CRB1: variants seen among roughly 807,000 people sequenced by gnomAD.
The protein encoded by CRB1 is crumbs cell polarity complex component 1.
Under a neutral mutation model 120.0 loss-of-function variants are expected in CRB1, and 83 were observed. The observed-to-expected ratio is 0.69, with a 90% CI of 0.58 to 0.83. CRB1 has a LOEUF of 0.83. Ranked by LOEUF, CRB1 falls within the 40% of genes least tolerant of loss-of-function variation. The pLI is 0.00. For synonymous variants in CRB1, 625 were observed against 612.5 expected, an observed-to-expected ratio of 1.02 and a Z score of -0.30; for missense variants, 1,699 against 1,687.6, an observed-to-expected ratio of 1.01 and a Z score of -0.12.
chr1:197,356,625 G>T (rs535093096), intron 4 of CRB1, among the ~76,000 whole-genome samples: 4 of 152,058 alleles, frequency 2.6e-5, no homozygotes, highest in African/African-American at 9.6e-5. Flanking sequence ...AAAATTTTTT[G>T]GTCAAAATTA....
chr1:197,466,760 G>T (rs530347796), intron 11 of CRB1, among the ~76,000 whole-genome samples: 2 of 152,166 alleles, frequency 1.3e-5, no homozygotes, highest in Admixed American at 6.5e-5. Flanking sequence ...TTTTTTCTGC[G>T]TAATGTGAGA....
intron 11 of CRB1, among the ~76,000 whole-genome samples, chr1:197,468,156 ACTT>A (rs1666830357): frequency 6.6e-6 from 1 of 152,010 alleles, no homozygotes. Flanking sequence ...CCTAAAACAT[ACTT>A]CTTTACCTCA....
chr1:197,316,910 C>CAAAAAAAA (rs201313713), intron 1 of CRB1, among the ~76,000 whole-genome samples: 1 of 136,100 alleles, frequency 7.3e-6, no homozygotes. Context: ...ACAATGGCTA[C>CAAAAAAAA]AAAAAAAAAA....
At chr1:197,470,920 G>T (rs78693615) in intron 11 of CRB1, among the ~76,000 whole-genome samples, 2 of 152,176 alleles carry the variant, frequency 1.3e-5, no homozygotes, top group Admixed American at 1.3e-4. Context: ...TTTCCCTAAA[G>T]GTCTACAAGA....
At chr1:197,440,824 G>A (rs1407638476) in intron 10 of CRB1, 2 of 152,242 alleles carry the variant, frequency 1.3e-5, no homozygotes, top group Non-Finnish European at 2.9e-5. Flanking sequence ...ATGATGGATG[G>A]TGTGAACACT....
Position 197,394,330 on chromosome 1 carries a change from T to C in CRB1, c.1172-26670T>C, listed in dbSNP as rs981454600. 9.9e-5 allele frequency among the ~76,000 whole-genome samples: 15 copies of C among 152,252 alleles called. No homozygotes were observed. In the East Asian group the frequency reaches 1.5e-3, roughly 16 times the overall value. ...TTTATTTTGATAATATAGTGTATAA[T>C]ACATATAACATGCAAAATATGTGTT... is the stretch of plus-strand genomic sequence containing the variant. On this transcript the variant is annotated intron_variant, in intron 5 of 11. Transcript: ENST00000367400.
chr1:197,314,258 G>A (rs535961868), intron 1 of CRB1, among the ~76,000 whole-genome samples: 19 of 151,904 alleles, frequency 1.3e-4, no homozygotes, highest in African/African-American at 2.4e-4. Context: ...TCTGTTAATC[G>A]TCTTCAGATA....
chr1:197,474,383 G>C (rs551768901), intron 11 of CRB1, among the ~76,000 whole-genome samples: 12 of 152,320 alleles, frequency 7.9e-5, no homozygotes, highest in African/African-American at 2.6e-4. Context: ...TACACAGCCA[G>C]GACTGGCAGA....
chr1:197,377,929 C>A (rs945716675), intron 5 of CRB1, among the ~76,000 whole-genome samples: 4 of 152,152 alleles, frequency 2.6e-5, no homozygotes, highest in African/African-American at 9.7e-5. Flanking sequence ...CTAGCTCTAG[C>A]CTGCTGTATC....
intron 6 of CRB1, among the ~76,000 whole-genome samples, chr1:197,422,572 A>G (rs1253237171): frequency 6.6e-6 from 1 of 152,188 alleles, no homozygotes; most frequent in East Asian, 1.9e-4. Context: ...AAAAATGTGG[A>G]AAGTAACAAT....
the CRB1 span, among the ~76,000 whole-genome samples, chr1:197,235,885 T>A: frequency 6.6e-5 from 10 of 152,324 alleles, no homozygotes; most frequent in South Asian, 4.1e-4. Flanking sequence ...AAATATTTTA[T>A]CATCTACCAT....
the CRB1 span, among the ~76,000 whole-genome samples, chr1:197,207,792 G>A: frequency 2.6e-3 from 393 of 151,822 alleles, 1 homozygote; most frequent in African/African-American, 6.8e-3. Context: ...ATTTTTTTTC[G>A]ATTAGTCCCT....
At chr1:197,325,807 A>T (rs187726706) in intron 1 of CRB1, among the ~76,000 whole-genome samples, 1 of 152,214 alleles carries the variant, frequency 6.6e-6, no homozygotes, top group African/African-American at 2.4e-5. Flanking sequence ...AGGAGTGTTT[A>T]TCTAGCTAAA....
intron 2 of CRB1, among the ~76,000 whole-genome samples, chr1:197,339,294 T>C (rs903031841): frequency 2.0e-5 from 3 of 152,186 alleles, no homozygotes; most frequent in Admixed American, 1.3e-4. Context: ...CTATAATATC[T>C]AGGAGGAGAA....
intron 5 of CRB1, among the ~76,000 whole-genome samples, chr1:197,372,678 C>G (rs758774656): frequency 2.6e-5 from 4 of 151,216 alleles, no homozygotes; most frequent in Non-Finnish European, 5.9e-5. Context: ...AGGTTTGAGA[C>G]CAGGTTAGGC....
intron 10 of CRB1, chr1:197,440,937 C>CA: frequency 6.6e-6 from 1 of 152,014 alleles, no homozygotes; most frequent in Non-Finnish European, 1.5e-5. Context: ...AAGCATAAGC[C>CA]AAAAAAGGAA....
At chr1:197,298,971 CAA>C (rs1347531563) in intron 1 of CRB1, among the ~76,000 whole-genome samples, 7 of 151,610 alleles carry the variant, frequency 4.6e-5, no homozygotes, top group African/African-American at 1.5e-4. Context: ...TTATTTAAGA[CAA>C]AAGTGGTAAT....
rs1664995152 is a variant in CRB1 at position 197,433,855 on chromosome 1, A to G, written c.2843-851A>G. Reference sequence around the variant, plus strand: ...GACAATACGTCTATTATAGCAGGATAGAATGCAGTGTGGATCCAAATAATA... The same window carrying G: ...GACAATACGTCTATTATAGCAGGATGGAATGCAGTGTGGATCCAAATAATA... On this transcript the variant is annotated intron_variant, in intron 8 of 11. Coordinates refer to ENST00000367400, the MANE Select transcript of CRB1 (RefSeq NM_201253.3). Among the ~76,000 whole-genome samples the G allele has an allele frequency of 2.0e-5, 3 of 152,284 alleles. No individual in the cohort carries two copies. In the South Asian group the frequency reaches 6.2e-4, roughly 32 times the overall value.
At chr1:197,329,097 T>A in intron 2 of CRB1, 94 bp downstream of exon 2, 1 of 1,131,812 alleles carries the variant, frequency 8.8e-7, no homozygotes, top group Non-Finnish European at 1.3e-6. Flanking sequence ...CACAATCATT[T>A]ATGAAAATGG....
Sources: allele counts gnomAD v4.1 joint callset (sites outside exome capture counted in the v4.1 genomes callset), GRCh38; gene constraint gnomAD v4.1.1; transcripts MANE v1.5; gene names NCBI Gene and HGNC (gene_info 2026-07-23, HGNC 2026-07-21).